The following UGT1A10 variants were observed in gnomAD, a reference collection of about 807,000 sequenced individuals.
The protein encoded by UGT1A10 is UDP-glucuronosyltransferase 1A10.
Under a neutral mutation model 45.8 loss-of-function variants are expected in UGT1A10, and 49 were observed. The ratio of observed to expected loss-of-function variants is 1.07; its 90% CI spans 0.85 to 1.36. The LOEUF (loss-of-function observed/expected upper bound fraction) is 1.36. Among genes scored for constraint, UGT1A10 ranks in the 40% most tolerant of loss-of-function variants. The pLI is 0.00. For missense variants in UGT1A10, 745 were observed against 668.6 expected, an observed-to-expected ratio of 1.11 and a Z score of -1.26; for synonymous variants, 284 against 249.7, an observed-to-expected ratio of 1.14 and a Z score of -1.29.
At chr2:233,678,927 G>A (rs1490462995) in intron 1 of UGT1A10, among the ~76,000 whole-genome samples, 1 of 152,098 alleles carries the variant, frequency 6.6e-6, no homozygotes, top group Non-Finnish European at 1.5e-5. Context: ...TGCAACATCT[G>A]GTCACAGTTT....
intron 1 of UGT1A10, chr2:233,743,354 T>G (rs1575654135): frequency 1.0e-6 from 1 of 972,108 alleles, no homozygotes; most frequent in South Asian, 1.3e-5. Flanking sequence ...GACATGGACT[T>G]GAAGCTGCCT....
intron 1 of UGT1A10, among the ~76,000 whole-genome samples, chr2:233,652,089 T>C (rs888858367): frequency 6.6e-6 from 1 of 152,188 alleles, no homozygotes; most frequent in African/African-American, 2.4e-5. Flanking sequence ...TCAGGATTAC[T>C]CTTTACCATC....
intron 1 of UGT1A10, chr2:233,693,919 C>T: frequency 6.2e-7 from 1 of 1,611,200 alleles, no homozygotes; most frequent in Non-Finnish European, 8.5e-7. Flanking sequence ...CTCTGTCCTC[C>T]CTCACTCATT....
At chr2:233,713,270 G>T (rs199541495) in intron 1 of UGT1A10, 1 of 1,614,244 alleles carries the variant, frequency 6.2e-7, no homozygotes, top group East Asian at 2.2e-5. Context: ...ATCGCCTTTT[G>T]CTGGGTCACA....
chr2:233,718,058 C>A (rs1306003218), intron 1 of UGT1A10: 3 of 356,918 alleles, frequency 8.4e-6, no homozygotes, highest in Admixed American at 3.6e-5. Context: ...CTGAACCCAC[C>A]GTGGGTCCTT....
At chr2:233,725,719 T>C (rs1457326053) in intron 1 of UGT1A10, among the ~76,000 whole-genome samples, 1 of 152,208 alleles carries the variant, frequency 6.6e-6, no homozygotes, top group Non-Finnish European at 1.5e-5. Context: ...TACCATATGG[T>C]CAATGTTTAC....
chr2:233,757,956 G>C (rs1696761467), intron 1 of UGT1A10, among the ~76,000 whole-genome samples: 1 of 152,144 alleles, frequency 6.6e-6, no homozygotes, highest in Admixed American at 6.5e-5. Flanking sequence ...CTGCCCTGCT[G>C]TGTGATTTCT....
chr2:233,702,086 A>G (rs1193659168), intron 1 of UGT1A10, among the ~76,000 whole-genome samples: 1 of 152,166 alleles, frequency 6.6e-6, no homozygotes, highest in African/African-American at 2.4e-5. Flanking sequence ...ATAGTCACAG[A>G]TTTGTACAAC....
chr2:233,740,535 G>A (rs566003594), intron 1 of UGT1A10, among the ~76,000 whole-genome samples: 2 of 151,952 alleles, frequency 1.3e-5, no homozygotes, highest in South Asian at 2.1e-4. Context: ...CAGCTGTGTT[G>A]AACTCCAGCC....
At chr2:233,687,225 T>C (rs1035294052) in intron 1 of UGT1A10, among the ~76,000 whole-genome samples, 4 of 152,132 alleles carry the variant, frequency 2.6e-5, no homozygotes, top group African/African-American at 9.7e-5. Flanking sequence ...TCCAGCACAA[T>C]TATCTCCAAC....
intron 1 of UGT1A10, among the ~76,000 whole-genome samples, chr2:233,645,090 C>T (rs1453251696): frequency 6.6e-6 from 1 of 152,174 alleles, no homozygotes; most frequent in Non-Finnish European, 1.5e-5. Flanking sequence ...ATCAAAAGAA[C>T]TTTAAAAAAC....
At chr2:233,659,390 T>G (rs2073921811) in intron 1 of UGT1A10, among the ~76,000 whole-genome samples, 1 of 152,222 alleles carries the variant, frequency 6.6e-6, no homozygotes, top group South Asian at 2.1e-4. Flanking sequence ...GCTTTATGTG[T>G]TATATACTGT....
At chr2:233,662,232 T>A (rs542411289) in intron 1 of UGT1A10, among the ~76,000 whole-genome samples, 1 of 152,248 alleles carries the variant, frequency 6.6e-6, no homozygotes, top group Admixed American at 6.5e-5. Flanking sequence ...GTGTCTATAA[T>A]ATGGTAGTAA....
intron 1 of UGT1A10, among the ~76,000 whole-genome samples, chr2:233,726,759 A>G (rs763773622): frequency 6.6e-6 from 1 of 152,232 alleles, no homozygotes; most frequent in South Asian, 2.1e-4. Flanking sequence ...TGCCTACCAC[A>G]GACACTAAGC....
chr2:233,716,165 T>C (rs990083164), intron 1 of UGT1A10, among the ~76,000 whole-genome samples: 2 of 152,214 alleles, frequency 1.3e-5, no homozygotes, highest in Non-Finnish European at 2.9e-5. Flanking sequence ...GGAGATGCAG[T>C]GCAGCATCTT....
chr2:233,739,208 T>A lies in UGT1A10; in HGVS notation c.856-27826T>A, dbSNP rs185605986. 2.6e-3 allele frequency among the ~76,000 whole-genome samples: 389 copies of A among 152,338 alleles called. 3 individuals are homozygous for A. Among genetic ancestry groups the A allele is most frequent in the Non-Finnish European group, 3.9e-3 (262 of 68,030 alleles). On this transcript the variant is annotated intron_variant, in intron 1 of 4. Coordinates refer to ENST00000344644, the MANE Select transcript of UGT1A10 (RefSeq NM_019075.4). ...GATGTCCAGGCAGACGTTTGCTGCA[T>A]GGATAGAGTCCTTATAGAGAACCTC...
Position 233,767,067 on chromosome 2 carries a change from C to G in UGT1A10, c.889C>G (p.His297Asp). ...FEAYINASGE[H>D]GIVVFSLGSM... The stretch of plus-strand genomic sequence containing the variant: ...AGCCTACATTAATGCTTCTGGAGAA[C>G]ATGGAATTGTGGTTTTCTCTTTGGG... Residue 297 changes from histidine to aspartate, a missense_variant, in exon 2 of 5, where the codon CAT becomes GAT. Coordinates refer to ENST00000344644, the MANE Select transcript of UGT1A10 (RefSeq NM_019075.4). The G allele has an allele frequency of 6.2e-7, 1 of 1,614,098 alleles. No individual in the cohort carries two copies. Among genetic ancestry groups the G allele is most frequent in the East Asian group, 2.2e-5 (1 of 44,866 alleles).
intron 1 of UGT1A10, among the ~76,000 whole-genome samples, chr2:233,639,135 G>C (rs1314238359): frequency 6.6e-6 from 1 of 152,132 alleles, no homozygotes; most frequent in Non-Finnish European, 1.5e-5. Flanking sequence ...ACCTGTGATA[G>C]AGGGATATCT....
chr2:233,679,191 G>A lies in UGT1A10; in HGVS notation c.855+41814G>A, dbSNP rs549308572. The stretch of plus-strand genomic sequence containing the variant: ...CACGTAGACCATTTTGACACCTTCA[G>A]TGTTGAACTTGTGGGTTCTGGGTGG... On this transcript the variant is annotated intron_variant, in intron 1 of 4. Coordinates refer to ENST00000344644, the MANE Select transcript of UGT1A10 (RefSeq NM_019075.4). Among the ~76,000 whole-genome samples, 3 of 152,328 alleles carry A rather than the reference G, an allele frequency of 2.0e-5. No individual in the cohort carries two copies. In the South Asian group the frequency reaches 6.2e-4, roughly 32 times the overall value.
Sources: allele counts gnomAD v4.1 joint callset (sites outside exome capture counted in the v4.1 genomes callset), GRCh38; gene constraint gnomAD v4.1.1; transcripts MANE v1.5; gene names NCBI Gene and HGNC (gene_info 2026-07-23, HGNC 2026-07-21).